The following SAG variants were observed in gnomAD, a reference collection of about 807,000 sequenced individuals.
SAG encodes S-antigen visual arrestin.
In SAG, 45 loss-of-function variants were observed where a neutral mutation model predicts 55.0. That is an observed-to-expected ratio of 0.82 (90% CI 0.64 to 1.05). SAG has a LOEUF of 1.05. Ranked by LOEUF, SAG falls within the 50% of genes least tolerant of loss-of-function variation. SAG has a pLI of 0.00. For synonymous variants in SAG, 189 were observed against 197.4 expected, an observed-to-expected ratio of 0.96 and a Z score of 0.36; for missense variants, 455 against 512.1, an observed-to-expected ratio of 0.89 and a Z score of 1.08.
At chr2:233,324,817 AG>A (rs1322417282) in intron 6 of SAG, among the ~76,000 whole-genome samples, 1 of 152,188 alleles carries the variant, frequency 6.6e-6, no homozygotes, top group Non-Finnish European at 1.5e-5. Context: ...GGGCAGTGAT[AG>A]GTGATGACAA....
At chr2:233,308,997 A>T (rs1700006037) in intron 1 of SAG, 165 bp from the exon 2 acceptor site, 2 of 536,744 alleles carry the variant, frequency 3.7e-6, no homozygotes, top group African/African-American at 3.8e-5. Context: ...AATACAAACT[A>T]AGCAAAGACT....
intron 1 of SAG, among the ~76,000 whole-genome samples, chr2:233,308,863 G>A (rs1574922415): frequency 6.6e-6 from 1 of 152,288 alleles, no homozygotes; most frequent in East Asian, 1.9e-4. Flanking sequence ...AACACCAAAG[G>A]TTAGTCAGAA....
chr2:233,312,052 G>A (rs1470436063), intron 2 of SAG, among the ~76,000 whole-genome samples: 1 of 152,116 alleles, frequency 6.6e-6, no homozygotes, highest in African/African-American at 2.4e-5. Flanking sequence ...CTTGAACCTG[G>A]GAGGTGGAGT....
intron 11 of SAG, among the ~76,000 whole-genome samples, chr2:233,336,890 G>A (rs1024035912): frequency 6.6e-6 from 1 of 152,152 alleles, no homozygotes; most frequent in African/African-American, 2.4e-5. Context: ...GAGCCCAGGA[G>A]TTTGAGACCA....
rs2125327159 is a variant in SAG, at chr2:233,319,738, G to A, written c.182-892G>A. On this transcript the variant is annotated intron_variant, in intron 4 of 15. Coordinates refer to ENST00000409110, the MANE Select transcript of SAG (RefSeq NM_000541.5). The surrounding 1 kb of genome is among the most constrained non-coding windows in gnomAD (Gnocchi z 4.4). ...GACCAGAGAAGGGCGCCTGTTCTCA[G>A]GGAAAGCCACTGCACAGGACAGCTG... is the stretch of plus-strand genomic sequence containing the variant. The A allele has an allele frequency of 1.0e-6, 1 of 985,680 alleles. No individual in the cohort carries two copies. The highest frequency in any genetic ancestry group is 4.7e-5 in the South Asian group (1 of 21,292). 61.1% of individuals were successfully genotyped at this position (985,680 alleles called of 1,614,324 possible). A position where few individuals can be genotyped will look rare whatever the true frequency, so the allele number is the denominator to read the frequency against.
rs1701268493 is a variant in SAG at position 233,346,864 on chromosome 2, A to C, written c.1170A>C (p.Ala390=). 4 of 1,613,032 alleles carry C rather than the reference A, an allele frequency of 2.5e-6. No individual in the cohort carries two copies. Among genetic ancestry groups the C allele is most frequent in the Non-Finnish European group, 2.5e-6 (3 of 1,179,320 alleles). The part of the protein sequence containing the change: ...EEFARHNLKD[A]GEAEEGKRDK... ...TTGCTCGCCATAATCTGAAAGATGC[A>C]GGAGAAGCTGAGGAGGGGAAGAGAG... is the stretch of plus-strand genomic sequence containing the variant. Residue 390 remains alanine (A), a synonymous_variant, in exon 16 of 16, where the codon GCA becomes GCC. Transcript: ENST00000409110.
At chr2:233,320,380 T>C (rs1700341492) in intron 4 of SAG, among the ~76,000 whole-genome samples, 2 of 152,214 alleles carry the variant, frequency 1.3e-5, no homozygotes, top group Admixed American at 1.3e-4. Flanking sequence ...TTCAGATTTC[T>C]ACCATTCTGG....
At chr2:233,315,438 G>A (rs777544268) in intron 2 of SAG, among the ~76,000 whole-genome samples, 5 of 151,594 alleles carry the variant, frequency 3.3e-5, no homozygotes, top group South Asian at 2.1e-4. Flanking sequence ...AATTACAGGC[G>A]TATACCATCA....
At chr2:233,346,735 G>C in intron 15 of SAG, 72 bp from the exon 16 acceptor site, 1 of 1,060,336 alleles carries the variant, frequency 9.4e-7, no homozygotes, top group Non-Finnish European at 1.4e-6. Context: ...GTTGCAAAAA[G>C]ATCAAGGATC....
chr2:233,330,758 CTGACCT>C (rs1447404125), intron 9 of SAG, among the ~76,000 whole-genome samples: 5 of 152,110 alleles, frequency 3.3e-5, no homozygotes, highest in Admixed American at 1.3e-4. Context: ...TTTCAAACCC[CTGACCT>C]CAGGTGATCC....
chr2:233,326,097 C>T (rs1462847013), intron 6 of SAG, among the ~76,000 whole-genome samples: 2 of 151,960 alleles, frequency 1.3e-5, no homozygotes, highest in African/African-American at 2.4e-5. Context: ...CTCTGGCTCC[C>T]CAACGCATGT....
chr2:233,331,596 G>A (rs1216709982), intron 9 of SAG, 44 bp from the exon 10 acceptor site: 4 of 1,296,256 alleles, frequency 3.1e-6, no homozygotes, highest in Admixed American at 3.4e-5. Flanking sequence ...TGCACGTGTT[G>A]GGGGACCAGT....
intron 1 of SAG, among the ~76,000 whole-genome samples, chr2:233,308,594 CT>C (rs199714586): frequency 1.3e-5 from 2 of 151,260 alleles, no homozygotes; most frequent in African/African-American, 2.4e-5. Context: ...TTAATATATT[CT>C]TTTTTTTTAA....
At position 233,340,398 on chromosome 2, in the gene SAG, A is replaced by G; in HGVS notation, c.1023-57A>G. The G allele has an allele frequency of 1.3e-6, 2 of 1,542,768 alleles. No homozygotes were observed. The highest frequency in any genetic ancestry group is 1.8e-6 in the Non-Finnish European group (2 of 1,121,630). ...CTGTGTCCTGCCTCTGAATCATGGG[A>G]AAGGGTCGTGTTACCACTGTGACAG... On this transcript the variant is annotated intron_variant, in intron 12 of 15. Coordinates refer to ENST00000409110, the MANE Select transcript of SAG (RefSeq NM_000541.5). The surrounding 1 kb of genome is among the most constrained non-coding windows in gnomAD (Gnocchi z 4.2).
chr2:233,328,915 A>G, intron 8 of SAG: 1 of 349,350 alleles, frequency 2.9e-6, no homozygotes. Flanking sequence ...TGTCCTGTCC[A>G]CCTCCATGGG....
chr2:233,344,510 C>T (rs1701196944), intron 14 of SAG: 1 of 152,176 alleles, frequency 6.6e-6, no homozygotes, highest in Non-Finnish European at 1.5e-5. Context: ...ATACAACTTT[C>T]ACGTTCCAGT....
At chr2:233,335,139 G>T in intron 11 of SAG, 40 bp downstream of exon 11, 1 of 1,589,814 alleles carries the variant, frequency 6.3e-7, no homozygotes. Flanking sequence ...CTGGCAGGGC[G>T]GGCTGGTGCT....
chr2:233,339,287 A>G (rs1019464519), intron 12 of SAG, among the ~76,000 whole-genome samples: 2 of 152,270 alleles, frequency 1.3e-5, no homozygotes, highest in Non-Finnish European at 2.9e-5. Context: ...AGTTTCTTCC[A>G]TTTGTTTAAT....
At chr2:233,339,153 G>C (rs868261819) in intron 12 of SAG, among the ~76,000 whole-genome samples, 9 of 152,178 alleles carry the variant, frequency 5.9e-5, no homozygotes, top group Admixed American at 2.0e-4. Context: ...CCATAAAGTG[G>C]GGACTTTCCC....
Sources: gnomAD v4.1 joint callset for allele counts (sites outside exome capture counted in the v4.1 genomes callset) on GRCh38, gnomAD v4.1.1 for gene constraint, Gnocchi (gnomAD v3.1) non-coding constraint, MANE v1.5 for transcripts, NCBI Gene and HGNC (gene_info 2026-07-23, HGNC 2026-07-21) for gene names.